Variants in RABL3 observed in about 807,000 individuals in gnomAD.
RABL3 encodes RAB, member of RAS oncogene family like 3, also known as rab-like protein 3.
RABL3 carries 31 observed loss-of-function variants against 31.8 expected under a neutral mutation model. That is an observed-to-expected ratio of 0.97 (90% CI 0.73 to 1.31). The LOEUF is 1.31. RABL3 is among the 40% of genes most tolerant of loss of function. The pLI is 0.00. For synonymous variants in RABL3, 97 were observed against 99.9 expected (o/e 0.97, Z 0.18); for missense variants, 263 against 279.6 (o/e 0.94, Z 0.42).
intron 2 of RABL3, among the ~76,000 whole-genome samples, chr3:120,712,381 G>C (rs1055547498): frequency 6.6e-6 from 1 of 152,124 alleles, no homozygotes; most frequent in Admixed American, 6.6e-5. Flanking sequence ...ATGTGATCAT[G>C]TCAAGTTAGC....
At chr3:120,719,347 TGGGTG>T (rs1476501018) in intron 2 of RABL3, among the ~76,000 whole-genome samples, 1 of 152,054 alleles carries the variant, frequency 6.6e-6, no homozygotes, top group Non-Finnish European at 1.5e-5. Context: ...TGCCAGACAG[TGGGTG>T]CAGGACAGTG....
At chr3:120,732,443 T>C (rs1296689785) in intron 1 of RABL3, among the ~76,000 whole-genome samples, 2 of 152,060 alleles carry the variant, frequency 1.3e-5, no homozygotes, top group Non-Finnish European at 2.9e-5. Context: ...TTAACTTTGA[T>C]TTTTTTTGAT....
chr3:120,703,435 A>T (rs1708515493), intron 4 of RABL3, among the ~76,000 whole-genome samples: 1 of 152,168 alleles, frequency 6.6e-6, no homozygotes, highest in Non-Finnish European at 1.5e-5. Context: ...ATGCAGCTAA[A>T]GCAGTGTTTA....
chr3:120,736,879 G>A (rs555890197), intron 1 of RABL3, among the ~76,000 whole-genome samples: 1 of 152,322 alleles, frequency 6.6e-6, no homozygotes, highest in South Asian at 2.1e-4. Context: ...CTTCTGGTTT[G>A]TAGAGTTTCT....
At chr3:120,733,905 T>A (rs1708920438) in intron 1 of RABL3, among the ~76,000 whole-genome samples, 1 of 152,150 alleles carries the variant, frequency 6.6e-6, no homozygotes. Context: ...GTTCCATTGG[T>A]CTATATCTCT....
intron 2 of RABL3, among the ~76,000 whole-genome samples, chr3:120,716,500 A>C (rs1447945379): frequency 6.6e-6 from 1 of 152,170 alleles, no homozygotes; most frequent in Non-Finnish European, 1.5e-5. Flanking sequence ...GTTGGCTCTT[A>C]ATAGATTTGA....
At chr3:120,714,720 C>T (rs982759012) in intron 2 of RABL3, among the ~76,000 whole-genome samples, 1 of 151,820 alleles carries the variant, frequency 6.6e-6, no homozygotes, top group Non-Finnish European at 1.5e-5. Context: ...TTTTTCCTGT[C>T]TCAGTCCTTA....
At chr3:120,720,561 A>G (rs888734322) in intron 2 of RABL3, among the ~76,000 whole-genome samples, 6 of 152,222 alleles carry the variant, frequency 3.9e-5, no homozygotes, top group African/African-American at 1.2e-4. Flanking sequence ...TAGTCGATTC[A>G]ATCAATTGGA....
At position 120,706,127 on chromosome 3, in the gene RABL3, G is replaced by A. The variant is rs369425333; in HGVS notation, c.269-13C>T. 2.1e-5 allele frequency: 31 copies of A among 1,505,856 alleles called. No individual in the cohort carries two copies. The Middle Eastern group carries it at 1.0e-3, about 49-fold the overall frequency. 93.3% of individuals were successfully genotyped at this position (1,505,856 alleles called of 1,614,324 possible). ...ACGAAAATAATACCTAAAATAATCAGAGAAAACAATGTTAATCCCTTAACA... is the reference window on the plus strand; with the variant it reads ...ACGAAAATAATACCTAAAATAATCAAAGAAAACAATGTTAATCCCTTAACA... On this transcript the variant is annotated splice_polypyrimidine_tract_variant and intron_variant, in intron 3 of 7. Transcript: ENST00000273375.
In RABL3 at chr3:120,738,903, A is replaced by G. The variant is rs572795471; in HGVS notation, c.46+3559T>C. Among the ~76,000 whole-genome samples, 4 of 152,276 alleles carry G rather than the reference A, an allele frequency of 2.6e-5. 1 individual carries two copies. The South Asian group carries it at 8.3e-4, about 32-fold the overall frequency. On this transcript the variant is annotated intron_variant, in intron 1 of 7. Coordinates refer to ENST00000273375, the MANE Select transcript of RABL3 (RefSeq NM_173825.5). ...AAAATTAAAATTATGTCCTTAGTAT[A>G]CCTTCCCAGGAGTAAACTCAGTACT... is the stretch of plus-strand genomic sequence containing the variant.
At chr3:120,742,576 G>T, upstream of RABL3, 1 of 1,500,010 alleles carries the variant, frequency 6.7e-7, no homozygotes, top group Non-Finnish European at 9.3e-7. Flanking sequence ...GGGCATGGAG[G>T]GCAGAGCCTT....
chr3:120,727,079 T>G (rs759006675), intron 2 of RABL3, among the ~76,000 whole-genome samples: 66 of 151,990 alleles, frequency 4.3e-4, no homozygotes, highest in Non-Finnish European at 8.8e-4. Context: ...AAAAAAAGTC[T>G]GAAAAAAATT....
Position 120,686,009 on chromosome 3 carries a change from G to C in RABL3, c.*3814C>G, listed in dbSNP as rs531559503. ...TGGAGGTGCAGATTAATTGTAACTGGATGTCCAATTCCTTTACTATGCTAT... is the reference window on the plus strand; with the variant it reads ...TGGAGGTGCAGATTAATTGTAACTGCATGTCCAATTCCTTTACTATGCTAT... On this transcript the variant is annotated 3_prime_UTR_variant, in exon 8 of 8. Coordinates refer to ENST00000273375, the MANE Select transcript of RABL3 (RefSeq NM_173825.5). Among the ~76,000 whole-genome samples, 51 of 152,264 alleles carry C rather than the reference G, an allele frequency of 3.3e-4. No homozygotes were observed. Among genetic ancestry groups the C allele is most frequent in the South Asian group, 1.7e-3 (8 of 4,822 alleles).
At chr3:120,716,464 C>T (rs980577544) in intron 2 of RABL3, among the ~76,000 whole-genome samples, 7 of 152,128 alleles carry the variant, frequency 4.6e-5, no homozygotes, top group African/African-American at 1.7e-4. Context: ...ACAATTACAT[C>T]ATCACTGCTA....
At chr3:120,738,018 G>T (rs1221070978) in intron 1 of RABL3, among the ~76,000 whole-genome samples, 4 of 152,214 alleles carry the variant, frequency 2.6e-5, no homozygotes, top group African/African-American at 9.6e-5. Context: ...CAAACTCTGT[G>T]CTGGGAGAAC....
At chr3:120,717,757 C>A (rs6808375) in intron 2 of RABL3, among the ~76,000 whole-genome samples, 2,820 of 152,300 alleles carry the variant, frequency 0.019, 102 homozygotes, top group African/African-American at 0.063. Context: ...GCGTGACCCA[C>A]CGCACCCAGT....
intron 5 of RABL3, among the ~76,000 whole-genome samples, chr3:120,697,840 AT>A (rs375823039): frequency 4.7e-4 from 71 of 152,270 alleles, no homozygotes; most frequent in Middle Eastern, 3.4e-3. Context: ...ATTTATTTTA[AT>A]TTTGGTGTGA....
Position 120,685,877 on chromosome 3 carries a change from G to A in RABL3, c.*3946C>T, listed in dbSNP as rs1356083720. 3.9e-5 allele frequency among the ~76,000 whole-genome samples: 6 copies of A among 152,218 alleles called. No homozygotes were observed. The highest frequency in any genetic ancestry group is 1.3e-4 in the Admixed American group (2 of 15,286). ...CCTTATCCTATACATATAGAAAGGG[G>A]AGAGTAAGGGAAGAGAGAGGAAATC... On this transcript the variant is annotated 3_prime_UTR_variant, in exon 8 of 8. Transcript: ENST00000273375.
chr3:120,732,543 GTTTTA>G lies in RABL3; in HGVS notation c.47-1761_47-1757del, dbSNP rs570753699. On this transcript the variant is annotated intron_variant, in intron 1 of 7. Transcript: ENST00000273375. ...AAGAATGCCCTGTATAAAGAAATAT[GTTTTA>G]TTTTATTTATTTATTTGTTTATTTT... 1.0e-3 allele frequency among the ~76,000 whole-genome samples: 158 copies of G among 151,894 alleles called. 1 individual carries two copies. The highest frequency in any genetic ancestry group is 3.5e-3 in the African/African-American group (145 of 41,462).
Sources: allele counts gnomAD v4.1 joint callset (sites outside exome capture counted in the v4.1 genomes callset), GRCh38; gene constraint gnomAD v4.1.1; transcripts MANE v1.5; gene names NCBI Gene and HGNC (gene_info 2026-07-23, HGNC 2026-07-21).